Variants in ITIH6 observed in about 807,000 individuals in gnomAD.
ITIH6 encodes the protein inter-alpha-trypsin inhibitor heavy chain H6.
In ITIH6, 60 loss-of-function variants were observed where a neutral mutation model predicts 58.2. The ratio of observed to expected loss-of-function variants is 1.03; its 90% CI spans 0.84 to 1.28. ITIH6 has a LOEUF of 1.28. Ranked by LOEUF, ITIH6 falls within the 50% of genes most tolerant of loss-of-function variation. The probability of loss-of-function intolerance (pLI) is 0.00; values close to 1 mark genes in which losing one functional copy is unlikely to be tolerated. For synonymous variants in ITIH6, 493 were observed against 417.4 expected, an observed-to-expected ratio of 1.18 and a Z score of -2.21; for missense variants, 1,290 against 1,021.1, an observed-to-expected ratio of 1.26 and a Z score of -3.59.
At position 54,769,459 on chromosome X, in the gene ITIH6, G is replaced by A. The variant is rs1349334507; in HGVS notation, c.903+4622C>T. On this transcript the variant is annotated intron_variant, in intron 6 of 12. Coordinates refer to ENST00000218436, the MANE Select transcript of ITIH6 (RefSeq NM_198510.3). ...CTTTGGAGGAGGAGAGGCACTCTGC[G>A]TTTTAGAATTTCCAGTTTTTCTGTT... Among the ~76,000 whole-genome samples the A allele has an allele frequency of 1.5e-4, 16 of 106,396 alleles. 1 individual carries two copies. The South Asian group carries it at 4.8e-3, about 32-fold the overall frequency. The allele number at this position is 106,396 out of a possible 115,157, so 92.4% of individuals were successfully genotyped here.
chrX:54,757,242 A>G lies in ITIH6; in HGVS notation c.2832T>C (p.Tyr944=), dbSNP rs1489476453. The G allele has an allele frequency of 1.7e-6, 2 of 1,192,187 alleles. No individual in the cohort carries two copies. Among genetic ancestry groups the G allele is most frequent in the African/African-American group, 3.5e-5 (2 of 56,647 alleles). ...TCCTCTGGGGACCCGGGAGGAGGTC[A>G]TACTGATGCCAGAACCTTCCAGGGG... ...TLPPGRFWHQ[Y]DLLPGPQRTR... is the part of the protein sequence containing the mutation. Residue 944 remains tyrosine, a synonymous_variant, in exon 8 of 13, where the codon TAT becomes TAC. Coordinates refer to ENST00000218436, the MANE Select transcript of ITIH6 (RefSeq NM_198510.3).
rs149644769 is a variant in ITIH6 at position 54,749,948 on chromosome X, G to T, written c.3889C>A (p.Arg1297Ser). The stretch of plus-strand genomic sequence containing the variant: ...CCCAGAAGCAGCTCTACATGAGAGC[G>T]CTTCACCAGCCAGCAGGAAGCCCAG... The part of the protein sequence containing the change: ...PRWASCWLVK[R>S]SHVELLLGHP... Residue 1297 changes from arginine to serine, a missense_variant, in exon 13 of 13, where the codon CGC (arginine) becomes AGC (serine). Transcript: ENST00000218436. The T allele has an allele frequency of 2.5e-6, 3 of 1,209,588 alleles. No homozygotes were observed. In the South Asian group the frequency reaches 5.3e-5, roughly 21 times the overall value.
chrX:54,751,417 T>C, intron 11 of ITIH6, 37 bp from the exon 12 acceptor site: 1 of 1,191,182 alleles, frequency 8.4e-7, no homozygotes. Flanking sequence ...AGCGGGGGCT[T>C]TTGCATGGTC....
chrX:54,786,090 G>A (rs575099859), intron 5 of ITIH6, among the ~76,000 whole-genome samples: 57 of 112,144 alleles, frequency 5.1e-4, no homozygotes, highest in African/African-American at 1.8e-3. Context: ...CAGTGAATTC[G>A]TTGTACTGCC....
intron 11 of ITIH6, among the ~76,000 whole-genome samples, chrX:54,752,553 A>C (rs1326278367): frequency 8.9e-6 from 1 of 112,272 alleles, no homozygotes; most frequent in Non-Finnish European, 1.9e-5. Flanking sequence ...CTCTAATTGA[A>C]GAGAACTGGC....
rs777465100 is a variant in ITIH6 at position 54,758,929 on chromosome X, C to T, written c.1145G>A (p.Arg382Lys). The T allele has an allele frequency of 2.5e-6, 3 of 1,202,561 alleles. No individual in the cohort carries two copies. The African/African-American group carries it at 5.3e-5, about 21-fold the overall frequency. ...VLNHSNQEPGRGPSVGRIPLI... is the reference protein window; with the variant it reads ...VLNHSNQEPGKGPSVGRIPLI... ...AGGGATCCTCCCCACACTGGGGCCCCTCCCAGGCTCCTGGTTGCTATGGTT... is the reference window on the plus strand; with the variant it reads ...AGGGATCCTCCCCACACTGGGGCCCTTCCCAGGCTCCTGGTTGCTATGGTT... The change falls in exon 8 of 13, where the codon AGG becomes AAG. Residue 382 changes from arginine to lysine, a missense_variant. Physicochemically the swap from Arg to Lys is conservative, Grantham distance 26 (BLOSUM62 2). Transcript: ENST00000218436.
rs148837220 is a variant in ITIH6 at position 54,758,755 on chromosome X, C to T, written c.1319G>A (p.Arg440His). 55 of 1,208,539 alleles carry T rather than the reference C, an allele frequency of 4.6e-5. No individual in the cohort carries two copies. Among genetic ancestry groups the T allele is most frequent in the Non-Finnish European group, 6.0e-5 (54 of 894,536 alleles). Reference protein sequence around the residue: ...GDDADFTLLRRLSLENRGIAR... With the variant: ...GDDADFTLLRHLSLENRGIAR... ...TATTCCCCGGTTTTCCAGGGACAGG[C>T]GGCGCAGCAGTGTAAAGTCAGCATC... The change falls in exon 8 of 13, where the codon CGC becomes CAC. Residue 440 changes from arginine to histidine, a missense_variant. Coordinates refer to ENST00000218436, the MANE Select transcript of ITIH6 (RefSeq NM_198510.3).
At chrX:54,762,516 G>C (rs978537559) in intron 6 of ITIH6, among the ~76,000 whole-genome samples, 2 of 111,617 alleles carry the variant, frequency 1.8e-5, no homozygotes, top group African/African-American at 6.5e-5. Context: ...TCAGGTTCCA[G>C]TTTAACTCCA....
chrX:54,750,067 G>A lies in ITIH6; in HGVS notation c.3770C>T (p.Pro1257Leu). 8.3e-7 allele frequency: 1 copy of A among 1,210,875 alleles called. No individual in the cohort carries two copies. The highest frequency in any genetic ancestry group is 1.1e-6 in the Non-Finnish European group (1 of 894,936). ...GTGCCTTCGTAAGCATGGCCCCATA[G>A]GTCCTGTCACCAGTCGGATGTCTGC... Reference protein sequence around the residue: ...QHADIRLVTGPMGPCLRRHHG... With the variant: ...QHADIRLVTGLMGPCLRRHHG... The change falls in exon 13 of 13, where the codon CCT (proline) becomes CTT (leucine). Residue 1257 changes from proline (P) to leucine (L), a missense_variant. Physicochemically the swap from Pro to Leu is moderately conservative, Grantham distance 98 (BLOSUM62 -3). Transcript: ENST00000218436.
chrX:54,756,052 T>G (rs747317441), intron 8 of ITIH6, among the ~76,000 whole-genome samples: 1 of 110,738 alleles, frequency 9.0e-6, no homozygotes, highest in Non-Finnish European at 1.9e-5. Flanking sequence ...CTTGGGGTGG[T>G]GGGAAGTGGA....
intron 6 of ITIH6, among the ~76,000 whole-genome samples, chrX:54,769,006 T>C (rs1365066238): frequency 3.7e-5 from 4 of 108,427 alleles, no homozygotes; most frequent in Non-Finnish European, 7.6e-5. Context: ...CCCACCACTT[T>C]CAGGTACACC....
intron 5 of ITIH6, among the ~76,000 whole-genome samples, chrX:54,783,398 T>C (rs1204346197): frequency 8.9e-6 from 1 of 111,871 alleles, no homozygotes; most frequent in African/African-American, 3.3e-5. Context: ...TAAGTCAAAT[T>C]ATCCTTGTTT....
chrX:54,786,660 A>T (rs1314627510), intron 5 of ITIH6, among the ~76,000 whole-genome samples: 1 of 111,404 alleles, frequency 9.0e-6, no homozygotes, highest in East Asian at 2.8e-4. Context: ...TTCATTCCGT[A>T]ACACACAGGT....
Position 54,780,921 on chromosome X carries a change from A to G in ITIH6, c.787-6724T>C, listed in dbSNP as rs193181497. Among the ~76,000 whole-genome samples the G allele has an allele frequency of 1.1e-4, 12 of 111,130 alleles. No individual in the cohort carries two copies. In the East Asian group the frequency reaches 3.4e-3, roughly 31 times the overall value. Reference sequence around the variant, plus strand: ...TAGAAAATCTAGAAGAGGCTAGAGAACCCAGAAATAAGGCCACACACCTGC... The same window carrying G: ...TAGAAAATCTAGAAGAGGCTAGAGAGCCCAGAAATAAGGCCACACACCTGC... On this transcript the variant is annotated intron_variant, in intron 5 of 12. Transcript: ENST00000218436.
chrX:54,754,046 G>C (rs1928434667), intron 9 of ITIH6, 81 bp from the exon 10 acceptor site: 2 of 983,086 alleles, frequency 2.0e-6, no homozygotes, highest in Non-Finnish European at 1.4e-6. Flanking sequence ...TCCCAGATAA[G>C]GGCCAAATTC....
At chrX:54,769,739 C>G (rs1418797506) in intron 6 of ITIH6, among the ~76,000 whole-genome samples, 16 of 95,023 alleles carry the variant, frequency 1.7e-4, no homozygotes, top group African/African-American at 6.3e-4. Flanking sequence ...TGCCCGTTCT[C>G]AGATCTCCAG....
intron 5 of ITIH6, among the ~76,000 whole-genome samples, chrX:54,777,156 G>A (rs1929067415): frequency 8.9e-6 from 1 of 112,540 alleles, no homozygotes; most frequent in South Asian, 3.7e-4. Flanking sequence ...AAAATCGGTG[G>A]TTGTCTGTCA....
chrX:54,764,969 A>G (rs1928739064), intron 6 of ITIH6, among the ~76,000 whole-genome samples: 1 of 77,144 alleles, frequency 1.3e-5, no homozygotes, highest in African/African-American at 4.9e-5. Context: ...GTGTGAGATG[A>G]TATCTCATAG....
chrX:54,779,301 T>C lies in ITIH6; in HGVS notation c.787-5104A>G, dbSNP rs756642201. On this transcript the variant is annotated intron_variant, in intron 5 of 12. Transcript: ENST00000218436. ...ATGCTTAAGTAGAAATACTGAATGA[T>C]GACCTAATCAAAAGTACTAACTAAA... 3.6e-5 allele frequency among the ~76,000 whole-genome samples: 4 copies of C among 112,317 alleles called. No individual in the cohort carries two copies. The East Asian group carries it at 1.1e-3, about 31-fold the overall frequency.
Sources: allele counts gnomAD v4.1 joint callset (sites outside exome capture counted in the v4.1 genomes callset), GRCh38; gene constraint gnomAD v4.1.1; transcripts MANE v1.5; gene names NCBI Gene and HGNC (gene_info 2026-07-23, HGNC 2026-07-21).